Variants in TSPAN12 observed in about 807,000 individuals in gnomAD.
The protein encoded by TSPAN12 is tetraspanin-12.
Under a neutral mutation model 39.2 loss-of-function variants are expected in TSPAN12, and 19 were observed. The observed-to-expected ratio is 0.49, with a 90% CI of 0.34 to 0.71. TSPAN12 has a LOEUF of 0.71. TSPAN12 is among the 30% of genes least tolerant of loss of function. TSPAN12 has a pLI of 0.01. For missense variants in TSPAN12, 314 were observed against 359.9 expected (o/e 0.87, Z 1.03); for synonymous variants, 119 against 124.8 (o/e 0.95, Z 0.31).
intron 4 of TSPAN12, among the ~76,000 whole-genome samples, chr7:120,833,899 T>C (rs1401151118): frequency 2.6e-5 from 4 of 152,140 alleles, no homozygotes; most frequent in African/African-American, 7.2e-5. Flanking sequence ...GAAGTAACCA[T>C]CTAAGGCTTA....
intron 4 of TSPAN12, among the ~76,000 whole-genome samples, chr7:120,820,778 G>A (rs921055101): frequency 4.6e-5 from 7 of 152,138 alleles, no homozygotes; most frequent in African/African-American, 9.7e-5. Flanking sequence ...TGGAAATAAT[G>A]AGTAGTTTAC....
intron 2 of TSPAN12, among the ~76,000 whole-genome samples, chr7:120,845,209 T>C (rs746244190): frequency 2.0e-5 from 3 of 152,200 alleles, no homozygotes; most frequent in Non-Finnish European, 4.4e-5. Context: ...CTGGGCCCAG[T>C]CCATGAAACC....
At chr7:120,816,365 C>CA (rs34279049) in intron 4 of TSPAN12, among the ~76,000 whole-genome samples, 90,100 of 148,270 alleles carry the variant, frequency 0.61, 28,804 homozygotes, top group South Asian at 0.77. Flanking sequence ...CATGCGCAGG[C>CA]AAAAAAAAAC....
intron 4 of TSPAN12, among the ~76,000 whole-genome samples, chr7:120,829,415 C>G (rs1336301985): frequency 6.6e-6 from 1 of 151,224 alleles, no homozygotes; most frequent in Non-Finnish European, 1.5e-5. Context: ...AATATTCCAT[C>G]TAAAAGCTGC....
At chr7:120,857,232 C>A (rs1794889804) in intron 1 of TSPAN12, 4 of 275,238 alleles carry the variant, frequency 1.5e-5, no homozygotes, top group South Asian at 1.2e-4. Context: ...CTGCCCCCTA[C>A]CCCGGACACG....
chr7:120,800,744 G>GTTT (rs148802163), intron 7 of TSPAN12, among the ~76,000 whole-genome samples: 7,996 of 118,364 alleles, frequency 0.068, 1,611 homozygotes, highest in East Asian at 0.16. Flanking sequence ...TTTCCTTATC[G>GTTT]TTTTTTTTTG....
At chr7:120,804,434 T>C (rs2116340812) in intron 7 of TSPAN12, among the ~76,000 whole-genome samples, 1 of 152,290 alleles carries the variant, frequency 6.6e-6, no homozygotes, top group African/African-American at 2.4e-5. Context: ...CCATAATCAC[T>C]GAAGAACCTA....
intron 4 of TSPAN12, among the ~76,000 whole-genome samples, chr7:120,836,144 T>C (rs1562950058): frequency 6.6e-6 from 1 of 152,066 alleles, no homozygotes; most frequent in East Asian, 1.9e-4. Context: ...GAATCTGAAC[T>C]GAGAGGAATA....
chr7:120,855,139 T>A (rs887176860), intron 2 of TSPAN12, among the ~76,000 whole-genome samples: 8 of 152,228 alleles, frequency 5.3e-5, no homozygotes, highest in African/African-American at 1.9e-4. Context: ...TTCAAAGCTT[T>A]ATTCTTTATT....
intron 5 of TSPAN12, among the ~76,000 whole-genome samples, chr7:120,812,967 T>A (rs899758106): frequency 6.6e-6 from 1 of 152,216 alleles, no homozygotes; most frequent in South Asian, 2.1e-4. Context: ...TTTTTTAAAC[T>A]TTACCTTCTA....
At chr7:120,833,671 T>C (rs1199230158) in intron 4 of TSPAN12, among the ~76,000 whole-genome samples, 2 of 152,174 alleles carry the variant, frequency 1.3e-5, no homozygotes, top group African/African-American at 4.8e-5. Flanking sequence ...ACTTGACTGC[T>C]TGTGGTTTGC....
rs1038575476 is a variant in TSPAN12, at chr7:120,788,422, A to G, written c.*170T>C. 2 of 768,472 alleles carry G rather than the reference A, an allele frequency of 2.6e-6. No homozygotes were observed. The highest frequency in any genetic ancestry group is 4.2e-6 in the Non-Finnish European group (2 of 480,320). 47.6% of individuals were successfully genotyped at this position (768,472 alleles called of 1,614,324 possible). The stretch of plus-strand genomic sequence containing the variant: ...TCAATTATTGTCCAGGTGGTGACTT[A>G]TGACATGAAACTTTTCCATCCTCAT... On this transcript the variant is annotated 3_prime_UTR_variant, in exon 8 of 8. Coordinates refer to ENST00000222747, the MANE Select transcript of TSPAN12 (RefSeq NM_012338.4).
At chr7:120,799,728 A>C (rs1793722105) in intron 7 of TSPAN12, among the ~76,000 whole-genome samples, 1 of 129,036 alleles carries the variant, frequency 7.7e-6, no homozygotes, top group Non-Finnish European at 1.6e-5. Flanking sequence ...TATTTATTAT[A>C]TTTCATTTAT....
Position 120,814,356 on chromosome 7 carries a change from C to T in TSPAN12, c.360+1373G>A, listed in dbSNP as rs1314176636. 17 of 436,626 alleles carry T rather than the reference C, an allele frequency of 3.9e-5. No individual in the cohort carries two copies. The East Asian group carries it at 1.1e-3, about 29-fold the overall frequency. The allele number at this position is 436,626 out of a possible 1,614,324, so 27.0% of individuals were successfully genotyped here. On this transcript the variant is annotated intron_variant, in intron 5 of 7. Transcript: ENST00000222747. The stretch of plus-strand genomic sequence containing the variant: ...ACAGATGCAAATGCCCAGTCCTTGC[C>T]CGTTCCTCCCTGCCTTCCCCTCCAT...
At chr7:120,814,944 T>C (rs1794051493) in intron 5 of TSPAN12, among the ~76,000 whole-genome samples, 2 of 152,220 alleles carry the variant, frequency 1.3e-5, no homozygotes, top group Admixed American at 1.3e-4. Context: ...GATGTAGGCT[T>C]CCTAGTCATC....
At chr7:120,819,027 T>C (rs1199333674) in intron 4 of TSPAN12, among the ~76,000 whole-genome samples, 1 of 152,124 alleles carries the variant, frequency 6.6e-6, no homozygotes, top group Admixed American at 6.6e-5. Context: ...ATCACTTTTC[T>C]AATCTTTGAT....
In TSPAN12 at chr7:120,788,607, C is replaced by T; in HGVS notation, c.903G>A (p.Glu301=). ...SMANSFNTHF[E]MEEL ...ACATTTCTTTTTATAACTCCTCCAT[C>T]TCAAAGTGTGTATTAAAGCTGTTTG... Residue 301 remains glutamate, a synonymous_variant, in exon 8 of 8, where the codon GAG becomes GAA. Transcript: ENST00000222747. The T allele has an allele frequency of 6.2e-7, 1 of 1,614,152 alleles. No homozygotes were observed. Among genetic ancestry groups the T allele is most frequent in the Non-Finnish European group, 8.5e-7 (1 of 1,179,994 alleles).
intron 7 of TSPAN12, among the ~76,000 whole-genome samples, chr7:120,791,447 T>C (rs1793521432): frequency 6.6e-6 from 1 of 152,218 alleles, no homozygotes; most frequent in African/African-American, 2.4e-5. Context: ...ATGTATTAGT[T>C]ATTCAAAAAA....
Position 120,840,506 on chromosome 7 carries a change from GTTAAT to G in TSPAN12, c.67-402_67-398del, listed in dbSNP as rs918729207. On this transcript the variant is annotated intron_variant, in intron 2 of 7. Transcript: ENST00000222747. ...TAAATATTGTCAAAAAAAGTCACAA[GTTAAT>G]TTAAAACGACTTCTATTGGCTAAAA... Among the ~76,000 whole-genome samples the G allele has an allele frequency of 8.1e-5, 12 of 148,628 alleles. No individual in the cohort carries two copies. In the East Asian group the frequency reaches 2.4e-3, roughly 30 times the overall value.
Sources: gnomAD v4.1 joint callset for allele counts (sites outside exome capture counted in the v4.1 genomes callset) on GRCh38, gnomAD v4.1.1 for gene constraint, MANE v1.5 for transcripts, NCBI Gene and HGNC (gene_info 2026-07-23, HGNC 2026-07-21) for gene names.